R3HCC1L: variants seen among roughly 807,000 people sequenced by gnomAD.
R3HCC1L encodes R3H domain and coiled-coil containing 1 like.
R3HCC1L carries 51 observed loss-of-function variants against 59.9 expected under a neutral mutation model. The ratio of observed to expected loss-of-function variants is 0.85; its 90% CI spans 0.68 to 1.07. The LOEUF (loss-of-function observed/expected upper bound fraction) is 1.07, where lower values mean the gene tolerates loss of function less well. R3HCC1L is among the 50% of genes least tolerant of loss of function. R3HCC1L has a pLI of 0.00. For synonymous variants in R3HCC1L, 322 were observed against 315.2 expected, an observed-to-expected ratio of 1.02 and a Z score of -0.23; for missense variants, 965 against 933.0, an observed-to-expected ratio of 1.03 and a Z score of -0.45.
chr10:98,172,058 C>T (rs749089309), intron 4 of R3HCC1L, among the ~76,000 whole-genome samples: 47 of 152,172 alleles, frequency 3.1e-4, no homozygotes, highest in Non-Finnish European at 5.9e-4. Flanking sequence ...TAGTTTTAAT[C>T]GCTATCCTTG....
chr10:98,211,939 A>G (rs1411898040), intron 5 of R3HCC1L, among the ~76,000 whole-genome samples: 1 of 152,170 alleles, frequency 6.6e-6, no homozygotes, highest in Non-Finnish European at 1.5e-5. Context: ...TAAAGAGGAC[A>G]TTGGGATGAC....
Position 98,201,602 on chromosome 10 carries a change from A to G in R3HCC1L, c.-14-6499A>G, listed in dbSNP as rs150701858. ...GAGATGACTTTATAAAGGGACAGGG[A>G]AACAAATATTATCAGACACCTGAGA... On this transcript the variant is annotated intron_variant, in intron 4 of 9. Transcript: ENST00000298999. Among the ~76,000 whole-genome samples the G allele has an allele frequency of 2.3e-3, 352 of 152,308 alleles. 2 individuals are homozygous for G. Among genetic ancestry groups the G allele is most frequent in the African/African-American group, 8.0e-3 (332 of 41,576 alleles).
At chr10:98,198,697 C>CTAAA (rs1241818121) in intron 4 of R3HCC1L, among the ~76,000 whole-genome samples, 1 of 151,992 alleles carries the variant, frequency 6.6e-6, no homozygotes, top group Non-Finnish European at 1.5e-5. Context: ...TCATTATGAA[C>CTAAA]TAAAGTGTTT....
At chr10:98,196,113 AT>A (rs1481676457) in intron 4 of R3HCC1L, among the ~76,000 whole-genome samples, 1 of 152,174 alleles carries the variant, frequency 6.6e-6, no homozygotes, top group Non-Finnish European at 1.5e-5. Context: ...CTACCCTTGC[AT>A]TTCTAATAAA....
At chr10:98,204,117 G>A (rs192179675) in intron 4 of R3HCC1L, among the ~76,000 whole-genome samples, 156 of 152,282 alleles carry the variant, frequency 1.0e-3, no homozygotes, top group African/African-American at 3.6e-3. Flanking sequence ...TTAAAAGAGA[G>A]AAAATAATCG....
At chr10:98,217,576 G>A (rs1167019701) in intron 5 of R3HCC1L, among the ~76,000 whole-genome samples, 1 of 151,996 alleles carries the variant, frequency 6.6e-6, no homozygotes, top group Non-Finnish European at 1.5e-5. Context: ...TTTTGATAGG[G>A]ATTGCATTGA....
intron 4 of R3HCC1L, among the ~76,000 whole-genome samples, chr10:98,190,035 AT>A (rs1235524170): frequency 6.6e-6 from 1 of 152,202 alleles, no homozygotes; most frequent in African/African-American, 2.4e-5. Context: ...AAACGGCAGT[AT>A]TTGTATATAA....
intron 4 of R3HCC1L, among the ~76,000 whole-genome samples, chr10:98,197,407 T>C (rs993440387): frequency 6.6e-6 from 1 of 152,204 alleles, no homozygotes; most frequent in African/African-American, 2.4e-5. Flanking sequence ...AGTGTGGTCT[T>C]CCTCACTTTA....
chr10:98,209,028 C>T lies in R3HCC1L; in HGVS notation c.914C>T (p.Thr305Ile). Residue 305 changes from threonine (T) to isoleucine (I), a missense_variant, in exon 5 of 10, where the codon ACA (threonine) becomes ATA (isoleucine). Coordinates refer to ENST00000298999, the MANE Select transcript of R3HCC1L (RefSeq NM_001351015.2). ...GGTTTCATCTTAGATCAAAAAGATACAGATTCCATTCCTGCAACTATGGGT... is the reference window on the plus strand; with the variant it reads ...GGTTTCATCTTAGATCAAAAAGATATAGATTCCATTCCTGCAACTATGGGT... ...STGFILDQKD[T>I]DSIPATMGHI... 6.2e-7 allele frequency: 1 copy of T among 1,613,658 alleles called. No homozygotes were observed. The highest frequency in any genetic ancestry group is 8.5e-7 in the Non-Finnish European group (1 of 1,179,656).
chr10:98,168,651 A>C (rs1848201488), intron 4 of R3HCC1L, among the ~76,000 whole-genome samples: 1 of 152,210 alleles, frequency 6.6e-6, no homozygotes, highest in Non-Finnish European at 1.5e-5. Flanking sequence ...AGTAAATATA[A>C]ATGTCCAAGG....
intron 4 of R3HCC1L, among the ~76,000 whole-genome samples, chr10:98,204,018 T>C (rs1401122184): frequency 6.6e-6 from 1 of 152,180 alleles, no homozygotes; most frequent in Non-Finnish European, 1.5e-5. Context: ...AGCTGCAAAA[T>C]GCACCCCAAA....
intron 4 of R3HCC1L, among the ~76,000 whole-genome samples, chr10:98,168,206 A>T (rs1169370498): frequency 6.6e-6 from 1 of 152,152 alleles, no homozygotes; most frequent in Non-Finnish European, 1.5e-5. Context: ...CTACCTTTGT[A>T]TTACATATTA....
intron 9 of R3HCC1L, among the ~76,000 whole-genome samples, chr10:98,242,982 T>A (rs1393549926): frequency 6.6e-6 from 1 of 152,234 alleles, no homozygotes; most frequent in Non-Finnish European, 1.5e-5. Flanking sequence ...GTTTTTTGCC[T>A]CTTGTAACTT....
chr10:98,136,714 G>A (rs1844621173), intron 1 of R3HCC1L, among the ~76,000 whole-genome samples: 1 of 152,286 alleles, frequency 6.6e-6, no homozygotes, highest in South Asian at 2.1e-4. Flanking sequence ...GTGCACGCCT[G>A]TAGTCCCAGC....
intron 9 of R3HCC1L, among the ~76,000 whole-genome samples, chr10:98,243,326 G>T (rs962750969): frequency 1.3e-5 from 2 of 152,160 alleles, no homozygotes; most frequent in Non-Finnish European, 2.9e-5. Flanking sequence ...ATGGTGTCAA[G>T]ATAAATGACT....
chr10:98,158,185 A>G (rs979606684), intron 2 of R3HCC1L, among the ~76,000 whole-genome samples: 1 of 152,198 alleles, frequency 6.6e-6, no homozygotes, highest in African/African-American at 2.4e-5. Context: ...GTCTTTGTTT[A>G]TGCATTTGCC....
At chr10:98,191,424 A>G (rs1464397781) in intron 4 of R3HCC1L, among the ~76,000 whole-genome samples, 1 of 145,716 alleles carries the variant, frequency 6.9e-6, no homozygotes, top group African/African-American at 2.5e-5. Context: ...GCATTTTTTC[A>G]TGTGTCTGTT....
chr10:98,222,073 T>G (rs1855054280), intron 5 of R3HCC1L, among the ~76,000 whole-genome samples: 1 of 152,244 alleles, frequency 6.6e-6, no homozygotes, highest in Non-Finnish European at 1.5e-5. Flanking sequence ...GGTTTGTAGT[T>G]GTCCTTGAAG....
At chr10:98,239,068 C>G (rs1857254138) in intron 9 of R3HCC1L, among the ~76,000 whole-genome samples, 1 of 152,192 alleles carries the variant, frequency 6.6e-6, no homozygotes, top group African/African-American at 2.4e-5. Context: ...TTATACTTCT[C>G]TGTGCCCCCT....
Sources: gnomAD v4.1 joint callset for allele counts (sites outside exome capture counted in the v4.1 genomes callset) on GRCh38, gnomAD v4.1.1 for gene constraint, MANE v1.5 for transcripts, NCBI Gene and HGNC (gene_info 2026-07-23, HGNC 2026-07-21) for gene names.